Variants in RPA3 observed in about 807,000 individuals in gnomAD.
RPA3 encodes replication protein A 14 kDa subunit.
In RPA3, 24 loss-of-function variants were observed where a neutral mutation model predicts 13.7. That is an observed-to-expected ratio of 1.75 (90% confidence interval 1.27 to 2.46). The LOEUF is 2.46. Among genes scored for constraint, RPA3 ranks in the 30% most tolerant of loss-of-function variants. The pLI is 0.00. For synonymous variants in RPA3, 59 were observed against 51.2 expected (o/e 1.15, Z -0.65); for missense variants, 183 against 151.0 (o/e 1.21, Z -1.11).
intron 4 of RPA3, among the ~76,000 whole-genome samples, chr7:7,662,339 C>T (rs915627277): frequency 6.6e-6 from 1 of 152,104 alleles, no homozygotes; most frequent in African/African-American, 2.4e-5. Context: ...TGCTGGCGTT[C>T]TAGGGGCCAG....
chr7:7,704,586 T>A, intron 2 of RPA3, among the ~76,000 whole-genome samples: 1 of 135,528 alleles, frequency 7.4e-6, no homozygotes, highest in African/African-American at 2.9e-5. Flanking sequence ...AAACCCTGTC[T>A]CTACTAAAAT....
At position 7,691,829 on chromosome 7, in the gene RPA3, C is replaced by T. The variant is rs555085954; in HGVS notation, c.-1027-4501G>A. On this transcript the variant is annotated intron_variant, in intron 2 of 7. Transcript: ENST00000223129. ...TTTCTCAGGAGGGAAAAAGGTGGTT[C>T]ACCAGCTGCCAAACAAAAGTCATGA... is the stretch of plus-strand genomic sequence containing the variant. Among the ~76,000 whole-genome samples the T allele has an allele frequency of 3.9e-5, 6 of 152,280 alleles. No individual in the cohort carries two copies. The South Asian group carries it at 1.0e-3, about 26-fold the overall frequency.
At chr7:7,668,599 A>G (rs1779529060) in intron 4 of RPA3, among the ~76,000 whole-genome samples, 1 of 152,208 alleles carries the variant, frequency 6.6e-6, no homozygotes, top group Non-Finnish European at 1.5e-5. Flanking sequence ...GTGAAACAAC[A>G]TGTAATGAAA....
chr7:7,637,902 G>A lies in RPA3; in HGVS notation c.245C>T (p.Thr82Ile), dbSNP rs779167001. The change falls in exon 7 of 8, where the codon ACA becomes ATA. Residue 82 changes from threonine to isoleucine, a missense_variant. By Grantham distance (89) the Thr-to-Ile change is moderately conservative. Coordinates refer to ENST00000223129, the MANE Select transcript of RPA3 (RefSeq NM_002947.5). ...RVTAKATILC[T>I]SYVQFKEDSH... is the part of the protein sequence containing the mutation. ...ATCTTCTTTAAACTGGACATAAGAT[G>A]TACACAAGATGGTGGCCTTGGCGGT... The A allele has an allele frequency of 6.2e-7, 1 of 1,613,484 alleles. No individual in the cohort carries two copies. Among genetic ancestry groups the A allele is most frequent in the Admixed American group, 1.7e-5 (1 of 59,994 alleles).
Position 7,654,694 on chromosome 7 carries a change from G to C in RPA3, c.-757-13519C>G, listed in dbSNP as rs374173432. Among the ~76,000 whole-genome samples the C allele has an allele frequency of 3.9e-5, 6 of 152,234 alleles. No individual in the cohort carries two copies. In the East Asian group the frequency reaches 1.2e-3, roughly 29 times the overall value. On this transcript the variant is annotated intron_variant, in intron 4 of 7. Transcript: ENST00000223129. ...AAGGTGGGCTGATCACTTGAGGCTAGGAGTTCGAGACCAGCCTGGCCAATA... is the reference window on the plus strand; with the variant it reads ...AAGGTGGGCTGATCACTTGAGGCTACGAGTTCGAGACCAGCCTGGCCAATA...
intron 2 of RPA3, among the ~76,000 whole-genome samples, chr7:7,707,784 T>G (rs1780643315): frequency 1.3e-5 from 2 of 152,204 alleles, no homozygotes; most frequent in Non-Finnish European, 1.5e-5. Context: ...TGTTCAGAAA[T>G]GTCATTAACT....
At chr7:7,653,582 G>T (rs191219644) in intron 4 of RPA3, among the ~76,000 whole-genome samples, 1 of 152,300 alleles carries the variant, frequency 6.6e-6, no homozygotes, top group East Asian at 1.9e-4. Flanking sequence ...CATTCACAGA[G>T]GAGTTACAAC....
Position 7,685,464 on chromosome 7 carries a change from C to T in RPA3, c.-758+366G>A, listed in dbSNP as rs147176199. Among the ~76,000 whole-genome samples the T allele has an allele frequency of 5.0e-3, 767 of 152,082 alleles. 8 individuals are homozygous for T. Among genetic ancestry groups the T allele is most frequent in the African/African-American group, 0.018 (728 of 41,482 alleles). ...AGCTGGGACTACAGGTGTGCGCCAC[C>T]ACGCCCACCAAGTTTTGTATTTTTA... On this transcript the variant is annotated intron_variant, in intron 4 of 7. Coordinates refer to ENST00000223129, the MANE Select transcript of RPA3 (RefSeq NM_002947.5).
At chr7:7,681,941 A>AC (rs1779922983) in intron 4 of RPA3, among the ~76,000 whole-genome samples, 1 of 152,186 alleles carries the variant, frequency 6.6e-6, no homozygotes, top group Non-Finnish European at 1.5e-5. Flanking sequence ...GTTATAGCAA[A>AC]AAGAAGGAAA....
chr7:7,667,101 G>T (rs932688919), intron 4 of RPA3, among the ~76,000 whole-genome samples: 3 of 152,186 alleles, frequency 2.0e-5, no homozygotes, highest in Non-Finnish European at 4.4e-5. Flanking sequence ...CAGCCACTGC[G>T]CCCGGCTGAC....
intron 2 of RPA3, chr7:7,692,226 G>C (rs1163174888): frequency 1.3e-5 from 2 of 152,320 alleles, no homozygotes; most frequent in African/African-American, 4.8e-5. Context: ...TGGTGGTGGA[G>C]GGTGATGGGG....
intron 1 of RPA3, among the ~76,000 whole-genome samples, chr7:7,715,605 G>T (rs1406933158): frequency 6.6e-6 from 1 of 152,134 alleles, no homozygotes; most frequent in Non-Finnish European, 1.5e-5. Context: ...TCATTCAAAT[G>T]AGGATAAAGT....
At chr7:7,648,064 C>T (rs1393083309) in intron 4 of RPA3, among the ~76,000 whole-genome samples, 2 of 152,206 alleles carry the variant, frequency 1.3e-5, no homozygotes, top group East Asian at 3.8e-4. Context: ...TCTTTTGTAG[C>T]TTAGCTGACA....
At chr7:7,692,255 A>G (rs1052717043) in intron 2 of RPA3, 14 of 152,334 alleles carry the variant, frequency 9.2e-5, no homozygotes, top group African/African-American at 3.4e-4. Context: ...TCTAGTCCTC[A>G]CCAGGAAAAT....
chr7:7,675,557 T>C (rs966760630), intron 4 of RPA3, among the ~76,000 whole-genome samples: 1 of 152,176 alleles, frequency 6.6e-6, no homozygotes, highest in African/African-American at 2.4e-5. Flanking sequence ...GAAGTAGTCT[T>C]TCTTTAACTG....
intron 4 of RPA3, among the ~76,000 whole-genome samples, chr7:7,650,767 A>G (rs1785207021): frequency 6.6e-6 from 1 of 152,212 alleles, no homozygotes; most frequent in African/African-American, 2.4e-5. Flanking sequence ...TATCAGACTG[A>G]TCACTCTCCA....
chr7:7,689,021 T>C (rs1780107591), intron 2 of RPA3, among the ~76,000 whole-genome samples: 1 of 152,210 alleles, frequency 6.6e-6, no homozygotes, highest in Non-Finnish European at 1.5e-5. Context: ...CCTGCCTTAC[T>C]CTGGGGAGGA....
chr7:7,673,205 T>G, intron 4 of RPA3: 2 of 777,144 alleles, frequency 2.6e-6, no homozygotes, highest in Non-Finnish European at 4.4e-6. Flanking sequence ...ATAGAATTCC[T>G]AAGAGTAACT....
At chr7:7,700,429 A>G (rs10242254) in intron 2 of RPA3, among the ~76,000 whole-genome samples, 5,784 of 152,250 alleles carry the variant, frequency 0.038, 337 homozygotes, top group African/African-American at 0.13. Flanking sequence ...AAAAATTTAT[A>G]TTAAGAAAAA....
Sources: gnomAD v4.1 joint callset for allele counts (sites outside exome capture counted in the v4.1 genomes callset) on GRCh38, gnomAD v4.1.1 for gene constraint, MANE v1.5 for transcripts, NCBI Gene and HGNC (gene_info 2026-07-23, HGNC 2026-07-21) for gene names.